The following JARID2 variants were observed in gnomAD, a reference collection of about 807,000 sequenced individuals.
The protein encoded by JARID2 is jumonji and AT-rich interaction domain containing 2.
In JARID2, 21 loss-of-function variants were observed where a neutral mutation model predicts 125.6. The observed-to-expected ratio is 0.17, with a 90% CI of 0.12 to 0.24. JARID2 has a LOEUF of 0.24. JARID2 is among the 10% of genes least tolerant of loss of function. The pLI, the probability that JARID2 is intolerant of heterozygous loss-of-function variation, is 1.00. For missense variants in JARID2, 1,303 were observed against 1,639.6 expected, an observed-to-expected ratio of 0.79 and a Z score of 3.55; for synonymous variants, 736 against 661.6, an observed-to-expected ratio of 1.11 and a Z score of -1.73.
chr6:15,439,312 C>T (rs1767349468), intron 3 of JARID2, among the ~76,000 whole-genome samples: 1 of 152,146 alleles, frequency 6.6e-6, no homozygotes, highest in African/African-American at 2.4e-5. Flanking sequence ...CTATCCTCCT[C>T]CTGTACTTGC....
At chr6:15,400,966 G>A (rs1377470474) in intron 2 of JARID2, 6 of 1,289,472 alleles carry the variant, frequency 4.7e-6, no homozygotes, top group Non-Finnish European at 6.1e-6. Context: ...TGCTCCACGG[G>A]TCTGTCAGGT....
intron 1 of JARID2, chr6:15,248,681 C>T (rs1015406851): frequency 1.3e-5 from 2 of 153,570 alleles, no homozygotes; most frequent in South Asian, 2.1e-4. Context: ...GCCCTTCTTC[C>T]CTCCCTCCGC....
chr6:15,501,725 GTCCAC>G (rs911376267), intron 8 of JARID2, among the ~76,000 whole-genome samples: 18 of 152,148 alleles, frequency 1.2e-4, no homozygotes, highest in African/African-American at 4.1e-4. Flanking sequence ...GGGAGGGGAA[GTCCAC>G]TCCACGAAGA....
chr6:15,293,510 A>C (rs887526902), intron 1 of JARID2, among the ~76,000 whole-genome samples: 3 of 152,234 alleles, frequency 2.0e-5, no homozygotes, highest in East Asian at 1.9e-4. Flanking sequence ...GTTTGTGATA[A>C]GGCCTTGTTA....
chr6:15,406,136 A>T (rs373386607), intron 2 of JARID2, among the ~76,000 whole-genome samples: 1 of 152,204 alleles, frequency 6.6e-6, no homozygotes. Flanking sequence ...CGTAAGGGCC[A>T]GTAAAATCTA....
intron 3 of JARID2, among the ~76,000 whole-genome samples, chr6:15,415,543 C>T (rs1304815025): frequency 4.0e-5 from 6 of 148,560 alleles, no homozygotes; most frequent in African/African-American, 7.7e-5. Context: ...CCTCACCTCC[C>T]GGGCAGAGGC....
chr6:15,398,989 A>C (rs757409429), intron 2 of JARID2, among the ~76,000 whole-genome samples: 3 of 152,164 alleles, frequency 2.0e-5, no homozygotes, highest in Admixed American at 6.5e-5. Flanking sequence ...GGTGCTGTTG[A>C]TCATTGAAGC....
intron 4 of JARID2, among the ~76,000 whole-genome samples, chr6:15,458,413 A>G (rs919114073): frequency 1.3e-5 from 2 of 152,142 alleles, no homozygotes; most frequent in Non-Finnish European, 2.9e-5. Flanking sequence ...AGAGAGTGTT[A>G]TTATGGGGAG....
chr6:15,358,568 C>CAGT (rs1390372182), intron 1 of JARID2, among the ~76,000 whole-genome samples: 1 of 152,164 alleles, frequency 6.6e-6, no homozygotes, highest in Non-Finnish European at 1.5e-5. Flanking sequence ...TTCTTGAAGC[C>CAGT]AGTAGGTGCT....
At chr6:15,306,328 CTTTTTTTTTTT>C (rs398000594) in intron 1 of JARID2, among the ~76,000 whole-genome samples, 5 of 99,250 alleles carry the variant, frequency 5.0e-5, no homozygotes, top group East Asian at 3.4e-4. Context: ...AGTCATATTT[CTTTTTTTTTTT>C]TTTTTTTTTT....
chr6:15,259,275 T>A (rs1759783492), intron 1 of JARID2, among the ~76,000 whole-genome samples: 1 of 152,252 alleles, frequency 6.6e-6, no homozygotes, highest in Non-Finnish European at 1.5e-5. Flanking sequence ...TTTCCATTCT[T>A]ACACTGCCCA....
intron 1 of JARID2, among the ~76,000 whole-genome samples, chr6:15,340,802 G>A (rs1656887360): frequency 6.6e-6 from 1 of 152,182 alleles, no homozygotes; most frequent in South Asian, 2.1e-4. Context: ...GAGTGTGAAT[G>A]TAAGATAGTT....
rs535000148 is a variant in JARID2, at chr6:15,283,560, T to C, written c.45+36976T>C. Reference sequence around the variant, plus strand: ...GATTTCACCGTGTTAGCCAGGACGGTCTCGATCTGCCGACCTTGTGCTCCG... The same window carrying C: ...GATTTCACCGTGTTAGCCAGGACGGCCTCGATCTGCCGACCTTGTGCTCCG... On this transcript the variant is annotated intron_variant, in intron 1 of 17. Coordinates refer to ENST00000341776, the MANE Select transcript of JARID2 (RefSeq NM_004973.4). Among the ~76,000 whole-genome samples, 3 of 151,180 alleles carry C rather than the reference T, an allele frequency of 2.0e-5. No homozygotes were observed. The South Asian group carries it at 6.3e-4, about 32-fold the overall frequency.
chr6:15,320,868 G>C (rs1581409060), intron 1 of JARID2, among the ~76,000 whole-genome samples: 1 of 151,862 alleles, frequency 6.6e-6, no homozygotes, highest in East Asian at 1.9e-4. Flanking sequence ...GTGTGTGTGT[G>C]TGTGTGTGTG....
In JARID2 at chr6:15,496,332, C is replaced by T. The variant is rs762335753; in HGVS notation, c.1107C>T (p.Ser369=). ...DTKPNHHKPS[S]AVNHTISGKT... ...AACCCAATCACCACAAGCCCAGTTC[C>T]GCTGTCAACCACACAATCTCAGGGA... is the stretch of plus-strand genomic sequence containing the variant. Residue 369 remains serine, a synonymous_variant, in exon 7 of 18, where the codon TCC becomes TCT. Transcript: ENST00000341776. 14 of 1,614,066 alleles carry T rather than the reference C, an allele frequency of 8.7e-6. No homozygotes were observed. The highest frequency in any genetic ancestry group is 1.6e-4 in the Middle Eastern group (1 of 6,084).
intron 1 of JARID2, among the ~76,000 whole-genome samples, chr6:15,370,960 C>G (rs2127510228): frequency 6.6e-6 from 1 of 152,326 alleles, no homozygotes; most frequent in Non-Finnish European, 1.5e-5. Flanking sequence ...TGTCTTGCAT[C>G]AGCATTGAGG....
intron 7 of JARID2, among the ~76,000 whole-genome samples, chr6:15,498,038 C>T (rs1178932690): frequency 6.6e-6 from 1 of 152,204 alleles, no homozygotes; most frequent in Non-Finnish European, 1.5e-5. Flanking sequence ...TTTGAAGACC[C>T]TGTCTCCAAA....
chr6:15,246,510 CCCTTTTGCAAT>C lies in JARID2; in HGVS notation c.-28_-18del. On this transcript the variant is annotated 5_prime_UTR_variant, in exon 1 of 18. Coordinates refer to ENST00000341776, the MANE Select transcript of JARID2 (RefSeq NM_004973.4). ...GCTTTAAATTCATGAAGCAATTGTC[CCCTTTTGCAAT>C]CAGCATTTGGATCTCAGAATGAGCA... 1.2e-6 allele frequency: 2 copies of C among 1,600,688 alleles called. No individual in the cohort carries two copies. The highest frequency in any genetic ancestry group is 1.7e-6 in the Non-Finnish European group (2 of 1,169,924).
rs1305162857 is a variant in JARID2 at position 15,505,248 on chromosome 6, C to G, written c.2541+656C>G. Reference sequence around the variant, plus strand: ...CTTGGTCGTGGAAAGGGAAAGAAACCAAACCCGGACTGCTGGTTCAGGGCA... The same window carrying G: ...CTTGGTCGTGGAAAGGGAAAGAAACGAAACCCGGACTGCTGGTTCAGGGCA... On this transcript the variant is annotated intron_variant, in intron 9 of 17. Coordinates refer to ENST00000341776, the MANE Select transcript of JARID2 (RefSeq NM_004973.4). 9 of 152,184 alleles carry G rather than the reference C, an allele frequency of 5.9e-5. No homozygotes were observed. In the East Asian group the frequency reaches 1.5e-3, roughly 26 times the overall value. The allele number at this position is 152,184 out of a possible 1,614,324, so 9.4% of individuals were successfully genotyped here. A position where few individuals can be genotyped will look rare whatever the true frequency, so the allele number is the denominator to read the frequency against.
Sources: allele counts gnomAD v4.1 joint callset (sites outside exome capture counted in the v4.1 genomes callset), GRCh38; gene constraint gnomAD v4.1.1; transcripts MANE v1.5; gene names NCBI Gene and HGNC (gene_info 2026-07-23, HGNC 2026-07-21).